The following DGKI variants were observed in gnomAD, a reference collection of about 807,000 sequenced individuals.
The protein encoded by DGKI is DAG kinase iota.
Under a neutral mutation model 147.5 loss-of-function variants are expected in DGKI, and 55 were observed. That is an observed-to-expected ratio of 0.37 (90% CI 0.30 to 0.47). The LOEUF (loss-of-function observed/expected upper bound fraction) is 0.47, where lower values mean the gene tolerates loss of function less well. Among genes scored for constraint, DGKI ranks in the 20% least tolerant of loss-of-function variants. The pLI is 1.00. For missense variants in DGKI, 1,007 were observed against 1,323.8 expected (o/e 0.76, Z 3.71); for synonymous variants, 469 against 477.1 (o/e 0.98, Z 0.22).
chr7:137,615,201 A>G (rs1313724529), intron 8 of DGKI, among the ~76,000 whole-genome samples: 1 of 152,088 alleles, frequency 6.6e-6, no homozygotes, highest in Non-Finnish European at 1.5e-5. Context: ...TTTCTCCCAA[A>G]GATGCATACT....
chr7:137,401,189 G>A (rs1811744123), intron 30 of DGKI, among the ~76,000 whole-genome samples: 1 of 152,012 alleles, frequency 6.6e-6, no homozygotes, highest in Non-Finnish European at 1.5e-5. Context: ...GTTAATTTGA[G>A]TCTCACTAAT....
intron 28 of DGKI, among the ~76,000 whole-genome samples, chr7:137,413,072 C>T (rs977707149): frequency 6.6e-6 from 1 of 152,094 alleles, no homozygotes; most frequent in South Asian, 2.1e-4. Flanking sequence ...GAGTTCAAGA[C>T]CAGCTTGGCC....
chr7:137,667,378 G>C (rs143491999), intron 3 of DGKI, among the ~76,000 whole-genome samples: 11 of 152,074 alleles, frequency 7.2e-5, no homozygotes, highest in African/African-American at 2.4e-4. Flanking sequence ...AATAGAAAAT[G>C]GTGTTTCTAT....
intron 20 of DGKI, among the ~76,000 whole-genome samples, chr7:137,524,862 G>A (rs994551508): frequency 2.6e-5 from 4 of 152,118 alleles, no homozygotes; most frequent in African/African-American, 9.7e-5. Context: ...TTGCAAATGG[G>A]AAATGAGATT....
chr7:137,675,683 CAAAAAAAAAAAA>C (rs61282606), intron 3 of DGKI, among the ~76,000 whole-genome samples: 4 of 107,706 alleles, frequency 3.7e-5, no homozygotes, highest in South Asian at 2.8e-4. Flanking sequence ...AGACTACATC[CAAAAAAAAAAAA>C]AAAAAAAAAA....
chr7:137,531,210 T>A (rs1817326103), intron 20 of DGKI, among the ~76,000 whole-genome samples: 1 of 152,156 alleles, frequency 6.6e-6, no homozygotes, highest in Non-Finnish European at 1.5e-5. Context: ...ATTCTGCAAA[T>A]TCCAACTGTT....
intron 1 of DGKI, among the ~76,000 whole-genome samples, chr7:137,754,874 T>A (rs1345725191): frequency 1.3e-5 from 2 of 152,184 alleles, no homozygotes; most frequent in Non-Finnish European, 2.9e-5. Flanking sequence ...CCTTTCTCCA[T>A]TTGGGAGCAA....
intron 21 of DGKI, among the ~76,000 whole-genome samples, chr7:137,491,944 A>C (rs566740905): frequency 1.3e-5 from 2 of 152,320 alleles, no homozygotes; most frequent in East Asian, 3.9e-4. Flanking sequence ...AGTCTAGAAA[A>C]GGGTAGAGAA....
intron 1 of DGKI, among the ~76,000 whole-genome samples, chr7:137,834,841 G>A (rs1475957931): frequency 6.6e-6 from 1 of 152,200 alleles, no homozygotes; most frequent in East Asian, 1.9e-4. Context: ...TCCACACACA[G>A]ATCAATCCAT....
At chr7:137,447,070 A>G (rs1167430569) in intron 27 of DGKI, among the ~76,000 whole-genome samples, 3 of 152,230 alleles carry the variant, frequency 2.0e-5, no homozygotes, top group African/African-American at 7.2e-5. Context: ...TTAGCTACAG[A>G]ATATTCATAT....
At chr7:137,690,164 A>G (rs1467491814) in intron 1 of DGKI, among the ~76,000 whole-genome samples, 162 bp from the exon 2 acceptor site, 2 of 152,202 alleles carry the variant, frequency 1.3e-5, no homozygotes, top group Non-Finnish European at 2.9e-5. Flanking sequence ...TCTAAAGTGC[A>G]TGGTGTCCAA....
chr7:137,800,443 C>G (rs934784632), intron 1 of DGKI, among the ~76,000 whole-genome samples: 1 of 152,166 alleles, frequency 6.6e-6, no homozygotes, highest in East Asian at 1.9e-4. Flanking sequence ...GCTACCTCCC[C>G]CCAACTCTCA....
At chr7:137,401,371 A>G (rs1811753209) in intron 30 of DGKI, among the ~76,000 whole-genome samples, 1 of 151,794 alleles carries the variant, frequency 6.6e-6, no homozygotes, top group Non-Finnish European at 1.5e-5. Flanking sequence ...AACTCTACAA[A>G]AAAAAAAAAA....
At chr7:137,604,914 G>A (rs1260598243) in intron 10 of DGKI, among the ~76,000 whole-genome samples, 2 of 152,108 alleles carry the variant, frequency 1.3e-5, no homozygotes, top group Non-Finnish European at 2.9e-5. Flanking sequence ...GTAAGGGAGG[G>A]GACGTATTTC....
intron 24 of DGKI, among the ~76,000 whole-genome samples, chr7:137,468,622 G>A (rs1040918574): frequency 2.0e-5 from 3 of 152,072 alleles, no homozygotes; most frequent in Non-Finnish European, 4.4e-5. Flanking sequence ...TATATATATG[G>A]CATTCAAAGT....
At chr7:137,492,835 G>T (rs1341746853) in intron 21 of DGKI, among the ~76,000 whole-genome samples, 1 of 152,174 alleles carries the variant, frequency 6.6e-6, no homozygotes, top group Non-Finnish European at 1.5e-5. Context: ...CAGTGCAGCC[G>T]CAGATGCCTA....
Position 137,782,059 on chromosome 7 carries a change from T to C in DGKI, c.401+64403A>G, listed in dbSNP as rs144558479. On this transcript the variant is annotated intron_variant, in intron 1 of 32. Transcript: ENST00000614521. ...TGAACTTTTGCTCCAAGAACTACTG[T>C]AGGAACATACCAGAAAAGCTGAGAA... Among the ~76,000 whole-genome samples, 181 of 152,284 alleles carry C rather than the reference T, an allele frequency of 1.2e-3. 3 individuals are homozygous for C. The highest frequency in any genetic ancestry group is 4.3e-3 in the African/African-American group (179 of 41,558).
At chr7:137,834,190 C>G (rs1798298965) in intron 1 of DGKI, among the ~76,000 whole-genome samples, 2 of 152,286 alleles carry the variant, frequency 1.3e-5, no homozygotes, top group South Asian at 2.1e-4. Flanking sequence ...CCCAGATATG[C>G]TTTTTCTGAG....
chr7:137,440,435 C>T (rs1050426083), intron 28 of DGKI, among the ~76,000 whole-genome samples: 1 of 152,252 alleles, frequency 6.6e-6, no homozygotes, highest in East Asian at 1.9e-4. Flanking sequence ...AAGAAATTAA[C>T]TTACACAGTA....
Sources: allele counts gnomAD v4.1 joint callset (sites outside exome capture counted in the v4.1 genomes callset), GRCh38; gene constraint gnomAD v4.1.1; transcripts MANE v1.5; gene names NCBI Gene and HGNC (gene_info 2026-07-23, HGNC 2026-07-21).